The following NR5A2 variants were observed in gnomAD, a reference collection of about 807,000 sequenced individuals.
The protein encoded by NR5A2 is nuclear receptor subfamily 5 group A member 2, also known as CYP7A promoter-binding factor.
NR5A2 carries 26 observed loss-of-function variants against 62.7 expected under a neutral mutation model. That is an observed-to-expected ratio of 0.41 (90% CI 0.30 to 0.58). The LOEUF (loss-of-function observed/expected upper bound fraction) is 0.58, where lower values mean the gene tolerates loss of function less well. Ranked by LOEUF, NR5A2 falls within the 20% of genes least tolerant of loss-of-function variation. The pLI, the probability that NR5A2 is intolerant of heterozygous loss-of-function variation, is 0.22. For missense variants in NR5A2, 541 were observed against 669.1 expected, an observed-to-expected ratio of 0.81 and a Z score of 2.11; for synonymous variants, 246 against 241.7, an observed-to-expected ratio of 1.02 and a Z score of -0.16.
chr1:200,171,465 G>A (rs867620306), intron 7 of NR5A2, among the ~76,000 whole-genome samples: 2 of 152,064 alleles, frequency 1.3e-5, no homozygotes, highest in African/African-American at 4.8e-5. Flanking sequence ...ATTAACCATC[G>A]AGGCTGGACG....
At chr1:200,144,657 T>C (rs1271117174) in intron 7 of NR5A2, among the ~76,000 whole-genome samples, 3 of 152,256 alleles carry the variant, frequency 2.0e-5, no homozygotes, top group Admixed American at 2.0e-4. Flanking sequence ...TCTCAAACAC[T>C]TAACATAGTC....
intron 5 of NR5A2, among the ~76,000 whole-genome samples, chr1:200,085,929 T>C (rs535985986): frequency 6.6e-6 from 1 of 152,328 alleles, no homozygotes; most frequent in South Asian, 2.1e-4. Flanking sequence ...TATACTTATA[T>C]AGGATGCTAG....
intron 5 of NR5A2, among the ~76,000 whole-genome samples, chr1:200,064,250 A>C (rs558245982): frequency 9.9e-5 from 15 of 152,264 alleles, no homozygotes; most frequent in African/African-American, 3.4e-4. Flanking sequence ...TTGATGCGGC[A>C]CTAAACACAA....
At chr1:200,170,529 G>A (rs540526391) in intron 7 of NR5A2, among the ~76,000 whole-genome samples, 2 of 152,176 alleles carry the variant, frequency 1.3e-5, no homozygotes, top group Non-Finnish European at 2.9e-5. Flanking sequence ...GTTATCATTT[G>A]TATTTTGGCA....
chr1:200,084,578 C>T (rs1268608076), intron 5 of NR5A2, among the ~76,000 whole-genome samples: 1 of 152,072 alleles, frequency 6.6e-6, no homozygotes, highest in African/African-American at 2.4e-5. Context: ...TAATATTTTC[C>T]ATATTACAGC....
chr1:200,141,170 G>A (rs1164756318), intron 7 of NR5A2, among the ~76,000 whole-genome samples: 2 of 152,116 alleles, frequency 1.3e-5, no homozygotes, highest in Admixed American at 6.6e-5. Flanking sequence ...GTGGGTTCTG[G>A]CAATGTTATC....
intron 5 of NR5A2, among the ~76,000 whole-genome samples, chr1:200,063,902 A>G (rs1249773074): frequency 6.6e-6 from 1 of 152,202 alleles, no homozygotes; most frequent in Middle Eastern, 3.2e-3. Flanking sequence ...TAATCCCAGC[A>G]CTTTGGGAGG....
At chr1:200,159,912 C>T (rs1653564135) in intron 7 of NR5A2, among the ~76,000 whole-genome samples, 1 of 152,212 alleles carries the variant, frequency 6.6e-6, no homozygotes, top group Non-Finnish European at 1.5e-5. Flanking sequence ...CTCAGCCTCC[C>T]AAAGTGCTGG....
chr1:200,084,489 T>C (rs188772822), intron 5 of NR5A2, among the ~76,000 whole-genome samples: 141 of 152,340 alleles, frequency 9.3e-4, no homozygotes, highest in African/African-American at 3.2e-3. Context: ...TAACTTTATA[T>C]AGGTGAACTG....
At chr1:200,077,897 CTGT>C (rs1277453086) in intron 5 of NR5A2, among the ~76,000 whole-genome samples, 1 of 152,124 alleles carries the variant, frequency 6.6e-6, no homozygotes, top group African/African-American at 2.4e-5. Context: ...CTAGCAGTCA[CTGT>C]TAACATTATT....
At chr1:200,072,417 A>G (rs1351411085) in intron 5 of NR5A2, among the ~76,000 whole-genome samples, 2 of 152,188 alleles carry the variant, frequency 1.3e-5, no homozygotes, top group African/African-American at 4.8e-5. Context: ...GAATGATTTG[A>G]GAATGCATGA....
intron 1 of NR5A2, among the ~76,000 whole-genome samples, chr1:200,035,693 C>G (rs1661744891): frequency 6.6e-6 from 1 of 152,140 alleles, no homozygotes; most frequent in African/African-American, 2.4e-5. Flanking sequence ...TCCGGCTCAT[C>G]AAGGCTGCGG....
chr1:200,089,339 C>A (rs571600655), intron 5 of NR5A2, among the ~76,000 whole-genome samples: 2 of 151,794 alleles, frequency 1.3e-5, no homozygotes, highest in Admixed American at 1.3e-4. Flanking sequence ...TACAGCCTCC[C>A]GAGTAGAGAC....
chr1:200,041,090 C>T (rs1332150353), intron 2 of NR5A2, among the ~76,000 whole-genome samples: 2 of 151,972 alleles, frequency 1.3e-5, no homozygotes, highest in Non-Finnish European at 2.9e-5. Context: ...CGCTGGGGGG[C>T]TGGGTTGGGG....
intron 7 of NR5A2, among the ~76,000 whole-genome samples, chr1:200,137,415 C>G (rs1397473941): frequency 3.3e-5 from 5 of 151,726 alleles, no homozygotes; most frequent in African/African-American, 1.2e-4. Context: ...ATCTGCCCAC[C>G]TTGGCCTCCC....
At chr1:200,129,758 T>C (rs1331702983) in intron 7 of NR5A2, among the ~76,000 whole-genome samples, 1 of 152,214 alleles carries the variant, frequency 6.6e-6, no homozygotes, top group African/African-American at 2.4e-5. Flanking sequence ...TGCCACTTCC[T>C]GTGGAGAGAA....
intron 5 of NR5A2, among the ~76,000 whole-genome samples, chr1:200,063,654 A>G (rs961515599): frequency 6.6e-5 from 10 of 152,168 alleles, no homozygotes; most frequent in Non-Finnish European, 8.8e-5. Flanking sequence ...ATCAAACCAC[A>G]TTACACCTGC....
In NR5A2 at chr1:200,052,865, C is replaced by T. The variant is rs181654398; in HGVS notation, c.1110+4047C>T. Among the ~76,000 whole-genome samples, 788 of 152,288 alleles carry T rather than the reference C, an allele frequency of 5.2e-3. 5 individuals carry two copies. The highest frequency in any genetic ancestry group is 0.01 in the Admixed American group (154 of 15,298). The stretch of plus-strand genomic sequence containing the variant: ...CCGTGTTAGCCAGGATGGTCTTGAT[C>T]TCCTGACCTTGCGATCCGCCCGCCT... On this transcript the variant is annotated intron_variant, in intron 5 of 7. Transcript: ENST00000367362.
In NR5A2 at chr1:200,176,652, A is replaced by C. The variant is rs1301041672; in HGVS notation, c.*2442A>C. 6.6e-6 allele frequency: 1 copy of C among 152,092 alleles called. No homozygotes were observed. The highest frequency in any genetic ancestry group is 1.5e-5 in the Non-Finnish European group (1 of 68,020). 9.4% of individuals were successfully genotyped at this position (152,092 alleles called of 1,614,324 possible). ...CATTGCCAAAAAAACAAATATGTTGATTTTTATTTTATTTTATTTTTTATT... is the reference window on the plus strand; with the variant it reads ...CATTGCCAAAAAAACAAATATGTTGCTTTTTATTTTATTTTATTTTTTATT... On this transcript the variant is annotated 3_prime_UTR_variant, in exon 8 of 8. Coordinates refer to ENST00000367362, the MANE Select transcript of NR5A2 (RefSeq NM_205860.3).
Sources: allele counts gnomAD v4.1 joint callset (sites outside exome capture counted in the v4.1 genomes callset), GRCh38; gene constraint gnomAD v4.1.1; transcripts MANE v1.5; gene names NCBI Gene and HGNC (gene_info 2026-07-23, HGNC 2026-07-21).